Variants in CCSER1 observed in about 807,000 individuals in gnomAD.
The protein encoded by CCSER1 is serine-rich coiled-coil domain-containing protein 1.
A neutral mutation model predicts 82.0 loss-of-function variants in CCSER1; 41 were observed. The observed-to-expected ratio is 0.50, with a 90% CI of 0.39 to 0.65. CCSER1 has a LOEUF of 0.65. Ranked by LOEUF, CCSER1 falls within the 30% of genes least tolerant of loss-of-function variation. The pLI, the probability that CCSER1 is intolerant of heterozygous loss-of-function variation, is 0.00. For synonymous variants in CCSER1, 414 were observed against 383.9 expected (o/e 1.08, Z -0.92); for missense variants, 1,119 against 1,064.2 (o/e 1.05, Z -0.72).
At chr4:91,216,407 C>T (rs1737243716) in intron 10 of CCSER1, among the ~76,000 whole-genome samples, 1 of 152,148 alleles carries the variant, frequency 6.6e-6, no homozygotes, top group Admixed American at 6.5e-5. Context: ...GCAAGCTCTG[C>T]CTCCTGGGTT....
At chr4:90,343,796 C>T (rs369822950) in intron 3 of CCSER1, among the ~76,000 whole-genome samples, 5 of 151,992 alleles carry the variant, frequency 3.3e-5, no homozygotes, top group East Asian at 1.9e-4. Context: ...GAGGTACATG[C>T]GACATTTTCA....
At chr4:90,713,234 G>A (rs187792985) in intron 6 of CCSER1, among the ~76,000 whole-genome samples, 22 of 152,112 alleles carry the variant, frequency 1.4e-4, no homozygotes, top group South Asian at 4.1e-4. Context: ...TAGCTTCTTA[G>A]TGTCACTGGT....
intron 10 of CCSER1, among the ~76,000 whole-genome samples, chr4:91,516,162 T>C (rs1760109101): frequency 6.6e-6 from 1 of 152,208 alleles, no homozygotes; most frequent in South Asian, 2.1e-4. Context: ...GTAAGTTGTC[T>C]GTTTACTCAG....
At chr4:91,141,735 CA>C (rs1437032702) in intron 10 of CCSER1, among the ~76,000 whole-genome samples, 22 of 152,160 alleles carry the variant, frequency 1.4e-4, no homozygotes, top group Non-Finnish European at 1.3e-4. Flanking sequence ...AATTAAGTTA[CA>C]TCCCAACCAA....
chr4:90,308,216 T>C (rs1734653652), intron 1 of CCSER1, 28 bp from the exon 2 acceptor site: 1 of 1,423,594 alleles, frequency 7.0e-7, no homozygotes, highest in Admixed American at 2.9e-5. Context: ...TTCTATTGAC[T>C]TGTTGTTTTT....
chr4:91,586,810 C>T (rs1324726523), intron 10 of CCSER1, among the ~76,000 whole-genome samples: 2 of 151,598 alleles, frequency 1.3e-5, no homozygotes, highest in Non-Finnish European at 3.0e-5. Context: ...TTAGTGGCTT[C>T]ATTTTGCTCT....
chr4:90,512,097 A>T (rs936581874), intron 5 of CCSER1, among the ~76,000 whole-genome samples: 8 of 152,120 alleles, frequency 5.3e-5, no homozygotes, highest in African/African-American at 1.4e-4. Context: ...TTCCGTAGAT[A>T]TGTGGTCACA....
At chr4:91,508,704 A>C (rs1759665000) in intron 10 of CCSER1, among the ~76,000 whole-genome samples, 1 of 151,934 alleles carries the variant, frequency 6.6e-6, no homozygotes, top group African/African-American at 2.4e-5. Context: ...AGAATATTTC[A>C]ATGAATTCAC....
At chr4:90,310,585 C>A (rs757054740) in intron 2 of CCSER1, among the ~76,000 whole-genome samples, 31 of 152,154 alleles carry the variant, frequency 2.0e-4, no homozygotes, top group Non-Finnish European at 3.4e-4. Flanking sequence ...AATCACAAAA[C>A]TAATAATTCA....
chr4:90,718,161 A>G (rs1430421326), intron 6 of CCSER1, among the ~76,000 whole-genome samples: 2 of 152,176 alleles, frequency 1.3e-5, no homozygotes, highest in African/African-American at 2.4e-5. Context: ...GTAATTTTAC[A>G]ACTATGAGAA....
chr4:91,369,204 A>G (rs1045521436), intron 10 of CCSER1, among the ~76,000 whole-genome samples: 4 of 152,162 alleles, frequency 2.6e-5, no homozygotes, highest in African/African-American at 4.8e-5. Context: ...AGGTTGTTTC[A>G]GTACTTTTGT....
intron 4 of CCSER1, among the ~76,000 whole-genome samples, chr4:90,457,914 C>T (rs115365133): frequency 1.5e-3 from 227 of 152,286 alleles, no homozygotes; most frequent in African/African-American, 4.7e-3. Context: ...TTCTCTTTGC[C>T]GTCCCTCCCA....
At chr4:91,515,326 G>A (rs997148604) in intron 10 of CCSER1, among the ~76,000 whole-genome samples, 3 of 152,030 alleles carry the variant, frequency 2.0e-5, no homozygotes, top group African/African-American at 4.8e-5. Flanking sequence ...ATAGTACCTT[G>A]TAGGTATTTT....
At chr4:90,988,578 G>A (rs1272806159) in intron 9 of CCSER1, among the ~76,000 whole-genome samples, 2 of 151,544 alleles carry the variant, frequency 1.3e-5, no homozygotes, top group African/African-American at 4.8e-5. Flanking sequence ...AAATAACAAA[G>A]TGATGTTTCT....
At chr4:91,587,801 T>C (rs1000708222) in intron 10 of CCSER1, among the ~76,000 whole-genome samples, 130 of 151,794 alleles carry the variant, frequency 8.6e-4, no homozygotes, top group African/African-American at 2.9e-3. Flanking sequence ...AATCTTGAAT[T>C]GGTTGTTGCC....
At chr4:91,473,274 C>A (rs1431344596) in intron 10 of CCSER1, among the ~76,000 whole-genome samples, 5 of 152,136 alleles carry the variant, frequency 3.3e-5, no homozygotes, top group Non-Finnish European at 7.4e-5. Flanking sequence ...ATTGTGGAAG[C>A]TTCTGAGTAG....
At chr4:90,842,417 T>C (rs6532250) in intron 8 of CCSER1, among the ~76,000 whole-genome samples, 88,443 of 151,848 alleles carry the variant, frequency 0.58, 26,090 homozygotes, top group Non-Finnish European at 0.63. Context: ...AGGAAAGTAG[T>C]GGGAATGTAG....
At chr4:91,044,252 T>C (rs568166120) in intron 9 of CCSER1, among the ~76,000 whole-genome samples, 100 of 152,306 alleles carry the variant, frequency 6.6e-4, no homozygotes, top group African/African-American at 2.3e-3. Flanking sequence ...ACATGAATGA[T>C]AGAATTGCTA....
intron 10 of CCSER1, among the ~76,000 whole-genome samples, chr4:91,142,010 T>C (rs35154648): frequency 0.36 from 54,454 of 152,114 alleles, 11,006 homozygotes; most frequent in Non-Finnish European, 0.46. Flanking sequence ...ATTAGACCTT[T>C]GTCAGATTCA....
Sources: allele counts gnomAD v4.1 joint callset (sites outside exome capture counted in the v4.1 genomes callset), GRCh38; gene constraint gnomAD v4.1.1; transcripts MANE v1.5; gene names NCBI Gene and HGNC (gene_info 2026-07-23, HGNC 2026-07-21).